FCHSD2: variants seen among roughly 807,000 people sequenced by gnomAD.
FCHSD2 encodes FCH and double SH3 domains 2, also known as F-BAR and double SH3 domains protein 2.
Under a neutral mutation model 108.1 loss-of-function variants are expected in FCHSD2, and 38 were observed. The ratio of observed to expected loss-of-function variants is 0.35; its 90% confidence interval spans 0.27 to 0.46. The LOEUF is 0.46. Among genes scored for constraint, FCHSD2 ranks in the 20% least tolerant of loss-of-function variants. The pLI is 1.00. For synonymous variants in FCHSD2, 279 were observed against 314.7 expected, an observed-to-expected ratio of 0.89 and a Z score of 1.20; for missense variants, 751 against 897.8, an observed-to-expected ratio of 0.84 and a Z score of 2.09.
chr11:73,140,827 C>G (rs1284198974), intron 1 of FCHSD2, among the ~76,000 whole-genome samples: 1 of 152,210 alleles, frequency 6.6e-6, no homozygotes, highest in Non-Finnish European at 1.5e-5. Context: ...CCCGCCAGGC[C>G]GGGGCCCCAG....
intron 4 of FCHSD2, among the ~76,000 whole-genome samples, chr11:73,014,124 C>CTTT (rs947652108): frequency 6.5e-4 from 56 of 86,564 alleles, no homozygotes; most frequent in Middle Eastern, 0.01. Context: ...TGTGTGGTTT[C>CTTT]TTTTTTTTTT....
chr11:73,080,111 C>T (rs1290474464), intron 3 of FCHSD2, among the ~76,000 whole-genome samples: 1 of 151,674 alleles, frequency 6.6e-6, no homozygotes, highest in South Asian at 2.1e-4. Context: ...CCAGCCTGGG[C>T]AACATAGTAA....
intron 9 of FCHSD2, among the ~76,000 whole-genome samples, chr11:72,916,133 A>G (rs532833994): frequency 1.3e-5 from 2 of 152,230 alleles, no homozygotes; most frequent in African/African-American, 4.8e-5. Flanking sequence ...TACGTGGGTG[A>G]TAAAATAATG....
chr11:72,965,696 C>T (rs981435153), intron 8 of FCHSD2, among the ~76,000 whole-genome samples: 1 of 152,224 alleles, frequency 6.6e-6, no homozygotes, highest in Admixed American at 6.5e-5. Flanking sequence ...TCAGAAGGCA[C>T]TCTTTCCCAT....
chr11:73,071,577 C>T (rs1363624355), intron 3 of FCHSD2, among the ~76,000 whole-genome samples: 10 of 151,646 alleles, frequency 6.6e-5, no homozygotes, highest in African/African-American at 9.7e-5. Flanking sequence ...GGTGTGTGCC[C>T]GTAGTCCCAA....
intron 2 of FCHSD2, among the ~76,000 whole-genome samples, chr11:73,118,733 A>G (rs987397086): frequency 6.6e-6 from 1 of 152,204 alleles, no homozygotes; most frequent in Non-Finnish European, 1.5e-5. Context: ...GGCAAACACT[A>G]ACTGAGCCCT....
In FCHSD2 at chr11:72,909,527, G is replaced by A. The variant is rs574705317; in HGVS notation, c.829-6889C>T. ...TGGGATGTGAGGAGCCCCTCTGCCC[G>A]GCCGCCCTGTCTGGGAAGTGAGGAG... On this transcript the variant is annotated intron_variant, in intron 9 of 19. Coordinates refer to ENST00000409418, the MANE Select transcript of FCHSD2 (RefSeq NM_014824.3). Among the ~76,000 whole-genome samples the A allele has an allele frequency of 2.1e-4, 31 of 148,714 alleles. No homozygotes were observed. In the South Asian group the frequency reaches 4.6e-3, roughly 22 times the overall value.
chr11:73,030,808 C>T (rs1256639083), intron 3 of FCHSD2, among the ~76,000 whole-genome samples: 1 of 152,102 alleles, frequency 6.6e-6, no homozygotes, highest in African/African-American at 2.4e-5. Flanking sequence ...ATTGTTATCC[C>T]TTTTTGTGTA....
At chr11:72,945,240 T>C (rs1856496416) in intron 8 of FCHSD2, among the ~76,000 whole-genome samples, 1 of 152,062 alleles carries the variant, frequency 6.6e-6, no homozygotes, top group Non-Finnish European at 1.5e-5. Context: ...TCAGAAATAA[T>C]GCCGCATATC....
Position 73,066,052 on chromosome 11 carries a change from T to A in FCHSD2, c.165+17643A>T, listed in dbSNP as rs187695250. Among the ~76,000 whole-genome samples, 5 of 152,116 alleles carry A rather than the reference T, an allele frequency of 3.3e-5. No individual in the cohort carries two copies. In the East Asian group the frequency reaches 9.7e-4, roughly 29 times the overall value. ...AAAAGAGCCTGCATTGCCAAAACAA[T>A]CCTGGGCAAGAAGAACAAAGCTGGA... is the stretch of plus-strand genomic sequence containing the variant. On this transcript the variant is annotated intron_variant, in intron 3 of 19. Coordinates refer to ENST00000409418, the MANE Select transcript of FCHSD2 (RefSeq NM_014824.3).
intron 8 of FCHSD2, among the ~76,000 whole-genome samples, chr11:72,982,890 A>G (rs1265674604): frequency 6.6e-6 from 1 of 152,314 alleles, no homozygotes; most frequent in Non-Finnish European, 1.5e-5. Flanking sequence ...GCCAAGCACA[A>G]TGGCTCACAC....
intron 2 of FCHSD2, among the ~76,000 whole-genome samples, chr11:73,116,116 C>T (rs964926598): frequency 3.7e-4 from 56 of 152,146 alleles, no homozygotes; most frequent in African/African-American, 1.3e-3. Context: ...TTCTAGTTTG[C>T]TAATAAGAGT....
At chr11:73,123,055 T>C (rs1053434996) in intron 2 of FCHSD2, among the ~76,000 whole-genome samples, 1 of 152,056 alleles carries the variant, frequency 6.6e-6, no homozygotes, top group African/African-American at 2.4e-5. Flanking sequence ...AAAAGATACA[T>C]AGGTGAAGGA....
chr11:73,106,219 G>A (rs1860338550), intron 2 of FCHSD2, among the ~76,000 whole-genome samples: 1 of 151,990 alleles, frequency 6.6e-6, no homozygotes, highest in Non-Finnish European at 1.5e-5. Context: ...ACCAGCCTGG[G>A]AACATAGTGA....
intron 12 of FCHSD2, among the ~76,000 whole-genome samples, chr11:72,883,352 T>C (rs1369518664): frequency 6.6e-6 from 1 of 152,140 alleles, no homozygotes; most frequent in East Asian, 1.9e-4. Flanking sequence ...GTTTCCAATC[T>C]AGAAAATGAA....
At chr11:72,998,272 G>C (rs1031496108) in intron 5 of FCHSD2, among the ~76,000 whole-genome samples, 8 of 152,308 alleles carry the variant, frequency 5.3e-5, no homozygotes, top group Admixed American at 5.2e-4. Context: ...AGGCGAGGTG[G>C]CTCATGCCTG....
intron 3 of FCHSD2, among the ~76,000 whole-genome samples, chr11:73,052,494 T>C (rs1379848491): frequency 3.9e-5 from 6 of 152,188 alleles, no homozygotes; most frequent in Non-Finnish European, 8.8e-5. Context: ...GCTAATGCAG[T>C]GTATTAGAGA....
intron 13 of FCHSD2, among the ~76,000 whole-genome samples, chr11:72,852,694 T>C (rs1861322831): frequency 6.6e-6 from 1 of 151,118 alleles, no homozygotes; most frequent in Admixed American, 6.6e-5. Flanking sequence ...CACATGCACG[T>C]GTATATTCAT....
chr11:73,072,473 T>C (rs1384088585), intron 3 of FCHSD2, among the ~76,000 whole-genome samples: 1 of 152,136 alleles, frequency 6.6e-6, no homozygotes, highest in South Asian at 2.1e-4. Flanking sequence ...AATCAAACTG[T>C]ACCAACTATT....
Sources: allele counts gnomAD v4.1 joint callset (sites outside exome capture counted in the v4.1 genomes callset), GRCh38; gene constraint gnomAD v4.1.1; transcripts MANE v1.5; gene names NCBI Gene and HGNC (gene_info 2026-07-23, HGNC 2026-07-21).